NFIB: variants seen among roughly 807,000 people sequenced by gnomAD.
NFIB encodes the protein nuclear factor 1 B-type.
Under a neutral mutation model 61.5 loss-of-function variants are expected in NFIB, and 11 were observed. The observed-to-expected ratio is 0.18, with a 90% CI of 0.11 to 0.30. The LOEUF is 0.30. Among genes scored for constraint, NFIB ranks in the 10% least tolerant of loss-of-function variants. The probability of loss-of-function intolerance (pLI) is 1.00; values close to 1 mark genes in which losing one functional copy is unlikely to be tolerated. For missense variants in NFIB, 471 were observed against 608.9 expected (o/e 0.77, Z 2.38); for synonymous variants, 260 against 216.5 (o/e 1.20, Z -1.76).
intron 1 of NFIB, among the ~76,000 whole-genome samples, chr9:14,391,836 C>T (rs1258413979): frequency 1.3e-5 from 2 of 152,170 alleles, no homozygotes; most frequent in Non-Finnish European, 2.9e-5. Context: ...TCCAAGAGTA[C>T]TTTGCTTCCT....
the NFIB span, among the ~76,000 whole-genome samples, chr9:14,471,884 T>C: frequency 7.1e-3 from 1,083 of 152,328 alleles, 12 homozygotes; most frequent in African/African-American, 0.024. Context: ...TCTGAAGTGA[T>C]TGATCCACCT....
chr9:14,222,265 G>A (rs2051767626), intron 2 of NFIB, among the ~76,000 whole-genome samples: 1 of 152,042 alleles, frequency 6.6e-6, no homozygotes, highest in African/African-American at 2.4e-5. Context: ...ATCTACCATG[G>A]AAGGCAGAAT....
At chr9:14,205,052 CTGT>C in intron 2 of NFIB, 1 of 238,558 alleles carries the variant, frequency 4.2e-6, no homozygotes, top group Non-Finnish European at 8.5e-6. Flanking sequence ...TAAATGTACA[CTGT>C]TGAGTTTTCT....
chr9:14,239,071 A>G (rs1023630694), intron 2 of NFIB, among the ~76,000 whole-genome samples: 2 of 152,236 alleles, frequency 1.3e-5, no homozygotes, highest in African/African-American at 4.8e-5. Context: ...ATTCTGCAAG[A>G]GCAGTCGGTA....
intron 1 of NFIB, among the ~76,000 whole-genome samples, chr9:14,378,024 T>A (rs979678082): frequency 1.3e-5 from 2 of 152,096 alleles, no homozygotes; most frequent in African/African-American, 2.4e-5. Flanking sequence ...ATTAACTAGC[T>A]AGGATCAGCT....
intron 2 of NFIB, among the ~76,000 whole-genome samples, chr9:14,220,797 CA>C (rs2131827994): frequency 6.7e-6 from 1 of 149,816 alleles, no homozygotes; most frequent in African/African-American, 2.5e-5. Context: ...GATGAGGTTC[CA>C]CCACCCGAAG....
chr9:14,248,767 A>T (rs1375907805), intron 2 of NFIB, among the ~76,000 whole-genome samples: 1 of 152,210 alleles, frequency 6.6e-6, no homozygotes, highest in Non-Finnish European at 1.5e-5. Flanking sequence ...AAGGAGATCC[A>T]GCCCAGGAAC....
At chr9:14,198,548 CTTA>C (rs2131608407) in intron 2 of NFIB, among the ~76,000 whole-genome samples, 1 of 152,202 alleles carries the variant, frequency 6.6e-6, no homozygotes, top group East Asian at 1.9e-4. Flanking sequence ...TGCTACTTGC[CTTA>C]TTGTCATTTC....
intron 2 of NFIB, among the ~76,000 whole-genome samples, chr9:14,286,967 G>C (rs1465721607): frequency 6.6e-6 from 1 of 152,178 alleles, no homozygotes; most frequent in Non-Finnish European, 1.5e-5. Context: ...AAGGGGAAGA[G>C]AAGTATGAAA....
the NFIB span, among the ~76,000 whole-genome samples, chr9:14,474,630 T>C: frequency 6.6e-6 from 1 of 152,190 alleles, no homozygotes; most frequent in African/African-American, 2.4e-5. Context: ...AAGATATGAT[T>C]CATTCTGAGG....
At chr9:14,492,326 G>A in the NFIB span, among the ~76,000 whole-genome samples, 13 of 151,808 alleles carry the variant, frequency 8.6e-5, no homozygotes, top group Non-Finnish European at 1.3e-4. Context: ...TCACGCCACT[G>A]CACTCCAGCC....
the NFIB span, among the ~76,000 whole-genome samples, chr9:14,514,323 T>TACACACACACACACACACACACACAC: frequency 6.8e-6 from 1 of 147,330 alleles, no homozygotes; most frequent in East Asian, 2.0e-4. Context: ...CATACATACA[T>TACACACACACACACACACACACACAC]ACATACACAC....
chr9:14,378,743 T>C (rs2061449467), intron 1 of NFIB, among the ~76,000 whole-genome samples: 1 of 152,178 alleles, frequency 6.6e-6, no homozygotes, highest in African/African-American at 2.4e-5. Flanking sequence ...TGGGTCATGG[T>C]ACAGCCACTT....
intron 2 of NFIB, among the ~76,000 whole-genome samples, chr9:14,260,017 G>A (rs542455707): frequency 5.9e-5 from 9 of 152,322 alleles, no homozygotes; most frequent in East Asian, 5.8e-4. Context: ...AGATGGATTC[G>A]TGGTGGTACA....
intron 2 of NFIB, among the ~76,000 whole-genome samples, chr9:14,280,325 C>T (rs114571975): frequency 1.0e-3 from 159 of 152,204 alleles, no homozygotes; most frequent in African/African-American, 3.7e-3. Flanking sequence ...CCTCATGGGG[C>T]TGATGTAAGG....
rs72698766 is a variant in NFIB at position 14,196,929 on chromosome 9, A to G, written c.563-17149T>C. ...TGTTATTTTCCATTTGTCTTTTATT[A>G]ATGATTAAGACAACTTGGCAGTTTG... is the stretch of plus-strand genomic sequence containing the variant. On this transcript the variant is annotated intron_variant, in intron 2 of 10. Coordinates refer to ENST00000380953, the MANE Select transcript of NFIB (RefSeq NM_001190737.2). Among the ~76,000 whole-genome samples the G allele has an allele frequency of 1.4e-3, 216 of 152,288 alleles. 2 individuals carry two copies. The highest frequency in any genetic ancestry group is 2.7e-3 in the Non-Finnish European group (184 of 68,028).
chr9:14,434,546 C>A, the NFIB span, among the ~76,000 whole-genome samples: 5,386 of 152,236 alleles, frequency 0.035, 139 homozygotes, highest in Non-Finnish European at 0.05. Context: ...TCAGTATATC[C>A]TGACTGAGGA....
At chr9:14,341,438 C>G (rs2060948982) in intron 1 of NFIB, among the ~76,000 whole-genome samples, 1 of 152,142 alleles carries the variant, frequency 6.6e-6, no homozygotes, top group South Asian at 2.1e-4. Context: ...GTTTCCACAT[C>G]TATGTCATAA....
intron 2 of NFIB, among the ~76,000 whole-genome samples, chr9:14,266,143 A>G (rs2057182549): frequency 6.6e-6 from 1 of 152,154 alleles, no homozygotes; most frequent in African/African-American, 2.4e-5. Context: ...TTCCCTCAAG[A>G]AGCAATCCCT....
Sources: gnomAD v4.1 joint callset for allele counts (sites outside exome capture counted in the v4.1 genomes callset) on GRCh38, gnomAD v4.1.1 for gene constraint, MANE v1.5 for transcripts, NCBI Gene and HGNC (gene_info 2026-07-23, HGNC 2026-07-21) for gene names.